The following PTPRN2 variants were observed in gnomAD, a reference collection of about 807,000 sequenced individuals.
PTPRN2 encodes receptor-type tyrosine-protein phosphatase N2.
A neutral mutation model predicts 118.8 loss-of-function variants in PTPRN2; 74 were observed. The ratio of observed to expected loss-of-function variants is 0.62; its 90% CI spans 0.52 to 0.76. The LOEUF (loss-of-function observed/expected upper bound fraction) is 0.76. Ranked by LOEUF, PTPRN2 falls within the 30% of genes least tolerant of loss-of-function variation. The probability of loss-of-function intolerance (pLI) is 0.00; values close to 1 mark genes in which losing one functional copy is unlikely to be tolerated. For synonymous variants in PTPRN2, 641 were observed against 608.0 expected, an observed-to-expected ratio of 1.05 and a Z score of -0.80; for missense variants, 1,481 against 1,394.4, an observed-to-expected ratio of 1.06 and a Z score of -0.99.
chr7:158,199,102 C>A (rs150458533), intron 4 of PTPRN2, among the ~76,000 whole-genome samples: 59 of 151,676 alleles, frequency 3.9e-4, no homozygotes, highest in Middle Eastern at 3.5e-3. Context: ...CTCTCTTAGC[C>A]CTTAGCATGT....
intron 9 of PTPRN2, 141 bp from the exon 10 acceptor site, chr7:158,111,056 G>A: frequency 1.5e-6 from 1 of 684,308 alleles, no homozygotes; most frequent in Non-Finnish European, 2.4e-6. Flanking sequence ...TGCCCCCTCA[G>A]GCACAAGGAG....
chr7:158,175,945 T>C (rs1459932350), intron 5 of PTPRN2, among the ~76,000 whole-genome samples: 1 of 151,074 alleles, frequency 6.6e-6, no homozygotes, highest in African/African-American at 2.4e-5. Flanking sequence ...CGCGACACCG[T>C]GAGGCCAGTG....
chr7:158,331,498 G>A lies in PTPRN2; in HGVS notation c.164-14566C>T, dbSNP rs1236614239. On this transcript the variant is annotated intron_variant, in intron 2 of 22. Coordinates refer to ENST00000389418, the MANE Select transcript of PTPRN2 (RefSeq NM_002847.5). ...ACTCACACCCACACTCTCACCATAC[G>A]AGCTGTCACCCACAGACATCACTCA... is the stretch of plus-strand genomic sequence containing the variant. Among the ~76,000 whole-genome samples, 5 of 147,380 alleles carry A rather than the reference G, an allele frequency of 3.4e-5. 1 individual carries two copies. Among genetic ancestry groups the A allele is most frequent in the African/African-American group, 7.7e-5 (3 of 38,818 alleles).
At chr7:158,314,126 T>C (rs1802096270) in intron 3 of PTPRN2, among the ~76,000 whole-genome samples, 1 of 152,166 alleles carries the variant, frequency 6.6e-6, no homozygotes, top group Admixed American at 6.5e-5. Flanking sequence ...TGATGTTCAG[T>C]GCCAGTTGCC....
rs1318891972 is a variant in PTPRN2, at chr7:157,685,294, A to C, written c.1789-2357T>G. Among the ~76,000 whole-genome samples, 3 of 151,836 alleles carry C rather than the reference A, an allele frequency of 2.0e-5. No homozygotes were observed. The East Asian group carries it at 5.9e-4, about 30-fold the overall frequency. Reference sequence around the variant, plus strand: ...GGCGTCGGGAGGACACCGCGCGCTCACGTGGATGACTGCGCCCGGGAACAG... The same window carrying C: ...GGCGTCGGGAGGACACCGCGCGCTCCCGTGGATGACTGCGCCCGGGAACAG... On this transcript the variant is annotated intron_variant, in intron 12 of 22. Transcript: ENST00000389418.
At chr7:157,601,159 C>G (rs141026681) in intron 16 of PTPRN2, among the ~76,000 whole-genome samples, 2 of 152,042 alleles carry the variant, frequency 1.3e-5, no homozygotes, top group Non-Finnish European at 2.9e-5. Context: ...AGACAACCTA[C>G]GAGGGAAAAC....
rs559023359 is a variant in PTPRN2, at chr7:157,634,604, G to A, written c.2197-13095C>T. 7.2e-5 allele frequency among the ~76,000 whole-genome samples: 11 copies of A among 152,254 alleles called. No homozygotes were observed. The South Asian group carries it at 1.2e-3, about 17-fold the overall frequency. On this transcript the variant is annotated intron_variant, in intron 14 of 22. Transcript: ENST00000389418. Reference sequence around the variant, plus strand: ...GCTGCGTTGTCAATGCATCGCGACCGGGCATGGTCCTGGGAGTGAATTATC... The same window carrying A: ...GCTGCGTTGTCAATGCATCGCGACCAGGCATGGTCCTGGGAGTGAATTATC...
At position 157,820,555 on chromosome 7, in the gene PTPRN2, C is replaced by T. The variant is rs549560520; in HGVS notation, c.1788+78118G>A. On this transcript the variant is annotated intron_variant, in intron 12 of 22. Transcript: ENST00000389418. ...GCAGACCCACACACGTGCACACACACGCACACACACTCATACATGCACTCA... is the reference window on the plus strand; with the variant it reads ...GCAGACCCACACACGTGCACACACATGCACACACACTCATACATGCACTCA... 2.1e-3 allele frequency among the ~76,000 whole-genome samples: 318 copies of T among 149,822 alleles called. 1 individual carries two copies. The highest frequency in any genetic ancestry group is 7.5e-3 in the African/African-American group (304 of 40,734).
At chr7:158,411,843 G>A (rs1466455619) in intron 2 of PTPRN2, among the ~76,000 whole-genome samples, 1 of 152,156 alleles carries the variant, frequency 6.6e-6, no homozygotes, top group Non-Finnish European at 1.5e-5. Flanking sequence ...TGGCTCAGGG[G>A]ACAATAGGCC....
chr7:158,357,033 T>G (rs892946343), intron 2 of PTPRN2, among the ~76,000 whole-genome samples: 1 of 152,198 alleles, frequency 6.6e-6, no homozygotes, highest in African/African-American at 2.4e-5. Context: ...TTAGTTTTTC[T>G]GCAAGTAACA....
At chr7:157,584,054 T>C (rs1800532285) in intron 17 of PTPRN2, among the ~76,000 whole-genome samples, 1 of 151,904 alleles carries the variant, frequency 6.6e-6, no homozygotes, top group Non-Finnish European at 1.5e-5. Flanking sequence ...CCCAGCTAGT[T>C]GGGAGGCTGA....
chr7:158,246,355 A>G (rs1201654749), intron 3 of PTPRN2, among the ~76,000 whole-genome samples: 2 of 151,550 alleles, frequency 1.3e-5, no homozygotes, highest in Non-Finnish European at 2.9e-5. Context: ...AGAGATGGAG[A>G]GAGAAACAGA....
intron 3 of PTPRN2, among the ~76,000 whole-genome samples, chr7:158,215,030 A>G (rs1715351046): frequency 6.6e-6 from 1 of 152,264 alleles, no homozygotes; most frequent in Non-Finnish European, 1.5e-5. Flanking sequence ...GACAATCCAC[A>G]GAAACCAACA....
intron 1 of PTPRN2, among the ~76,000 whole-genome samples, chr7:158,494,724 C>T (rs1821703287): frequency 6.6e-6 from 1 of 152,148 alleles, no homozygotes; most frequent in African/African-American, 2.4e-5. Flanking sequence ...ACGGGAACGC[C>T]AGGACCCCGT....
intron 12 of PTPRN2, among the ~76,000 whole-genome samples, chr7:157,789,973 G>A (rs1362174069): frequency 7.2e-6 from 1 of 139,412 alleles, no homozygotes; most frequent in East Asian, 2.3e-4. Flanking sequence ...ATGTGCGTAT[G>A]GTGGTGTGTG....
intron 11 of PTPRN2, among the ~76,000 whole-genome samples, chr7:157,904,623 G>A (rs1213051915): frequency 1.3e-5 from 2 of 152,254 alleles, no homozygotes; most frequent in Admixed American, 1.3e-4. Context: ...GGGCGTCTAC[G>A]CGTTCCCTTG....
In PTPRN2 at chr7:157,690,454, C is replaced by G. The variant is rs1192583744; in HGVS notation, c.1789-7517G>C. Among the ~76,000 whole-genome samples, 2 of 152,148 alleles carry G rather than the reference C, an allele frequency of 1.3e-5. No homozygotes were observed. The highest frequency in any genetic ancestry group is 1.3e-4 in the Admixed American group (2 of 15,286). ...CCTGGTGATGCTCTCGTGGGCCCTT[C>G]CTGCTCCCTCCGCCCCCATCCCAGC... On this transcript the variant is annotated intron_variant, in intron 12 of 22. Coordinates refer to ENST00000389418, the MANE Select transcript of PTPRN2 (RefSeq NM_002847.5). This position sits in a 1 kb window ranked among gnomAD's most constrained non-coding sequence, Gnocchi z 7.1.
At chr7:158,394,158 G>A (rs552080828) in intron 2 of PTPRN2, among the ~76,000 whole-genome samples, 240 of 94,258 alleles carry the variant, frequency 2.5e-3, no homozygotes, top group African/African-American at 9.1e-3. Context: ...CTCTGTCCCC[G>A]ACGGACACCT....
chr7:157,565,518 G>C (rs1299098498), intron 21 of PTPRN2, among the ~76,000 whole-genome samples: 4 of 152,146 alleles, frequency 2.6e-5, no homozygotes, highest in Non-Finnish European at 5.9e-5. Context: ...CCCAGGCGCA[G>C]ACCCTGGTGG....
Sources: gnomAD v4.1 joint callset for allele counts (sites outside exome capture counted in the v4.1 genomes callset) on GRCh38, gnomAD v4.1.1 for gene constraint, Gnocchi (gnomAD v3.1) non-coding constraint, MANE v1.5 for transcripts, NCBI Gene and HGNC (gene_info 2026-07-23, HGNC 2026-07-21) for gene names.